MAGI2: variants seen among roughly 807,000 people sequenced by gnomAD.
MAGI2 encodes the protein membrane associated guanylate kinase, WW and PDZ domain containing 2, also known as membrane-associated guanylate kinase, WW and PDZ domain-containing protein 2.
A neutral mutation model predicts 133.3 loss-of-function variants in MAGI2; 35 were observed. The observed-to-expected ratio is 0.26, with a 90% CI of 0.20 to 0.35. MAGI2 has a LOEUF of 0.35. Among genes scored for constraint, MAGI2 ranks in the 10% least tolerant of loss-of-function variants. The probability of loss-of-function intolerance (pLI) is 1.00; values close to 1 mark genes in which losing one functional copy is unlikely to be tolerated. For missense variants in MAGI2, 1,636 were observed against 1,863.4 expected (o/e 0.88, Z 2.25); for synonymous variants, 729 against 710.6 (o/e 1.03, Z -0.41).
At chr7:78,568,998 C>T (rs1419620681) in intron 3 of MAGI2, among the ~76,000 whole-genome samples, 1 of 151,936 alleles carries the variant, frequency 6.6e-6, no homozygotes, top group East Asian at 1.9e-4. Context: ...CATTTTGCCC[C>T]CGACACCTGC....
In MAGI2 at chr7:78,019,333, G is replaced by A. The variant is rs766140955; in HGVS notation, c.4350C>T (p.Ala1450=). ...GCGCGGCTCATCTGCTGGCGGCCGA[G>A]GCGCCGGGTTTGAGGACGCTGGGCA... ...DKLPSVLKPG[A]SAASR Residue 1450 remains alanine, a synonymous_variant, in exon 22 of 22, where the codon GCC becomes GCT. Transcript: ENST00000354212. The A allele has an allele frequency of 1.5e-5, 23 of 1,545,568 alleles. No individual in the cohort carries two copies. The highest frequency in any genetic ancestry group is 1.7e-4 in the Middle Eastern group (1 of 5,902).
At chr7:78,428,681 C>A (rs752218270) in intron 6 of MAGI2, among the ~76,000 whole-genome samples, 20 of 152,164 alleles carry the variant, frequency 1.3e-4, no homozygotes, top group African/African-American at 4.3e-4. Context: ...GCACTGAGAC[C>A]CCATAAAAAG....
At chr7:78,606,818 C>T (rs1805862511) in intron 3 of MAGI2, among the ~76,000 whole-genome samples, 1 of 113,276 alleles carries the variant, frequency 8.8e-6, no homozygotes, top group Non-Finnish European at 2.0e-5. Flanking sequence ...TTCTGTTTAC[C>T]ATGCCCTCCC....
chr7:78,092,781 T>A (rs369180583), intron 20 of MAGI2, among the ~76,000 whole-genome samples: 53,558 of 152,014 alleles, frequency 0.35, 10,888 homozygotes, highest in African/African-American at 0.57. Flanking sequence ...CATACATCCC[T>A]TGGATAATCA....
intron 9 of MAGI2, among the ~76,000 whole-genome samples, chr7:78,305,112 T>C (rs1798145637): frequency 6.6e-6 from 1 of 152,220 alleles, no homozygotes; most frequent in South Asian, 2.1e-4. Context: ...CTTGTTCTAG[T>C]GGGGACTCAA....
chr7:79,113,712 A>C (rs1819139998), intron 1 of MAGI2, among the ~76,000 whole-genome samples: 1 of 152,142 alleles, frequency 6.6e-6, no homozygotes, highest in South Asian at 2.1e-4. Flanking sequence ...TAACTAAACC[A>C]TGGTAACTGA....
intron 1 of MAGI2, among the ~76,000 whole-genome samples, chr7:79,248,479 A>G (rs1304113819): frequency 6.6e-6 from 1 of 152,200 alleles, no homozygotes; most frequent in Non-Finnish European, 1.5e-5. Context: ...AATCTAACAA[A>G]GCAATATCAG....
intron 1 of MAGI2, among the ~76,000 whole-genome samples, chr7:79,185,651 C>T (rs560155699): frequency 8.9e-4 from 135 of 151,566 alleles, no homozygotes; most frequent in Non-Finnish European, 8.8e-4. Context: ...ATGAGTCTGC[C>T]TTTAAAAATG....
At chr7:78,787,418 C>A (rs183484566) in intron 2 of MAGI2, among the ~76,000 whole-genome samples, 1 of 152,056 alleles carries the variant, frequency 6.6e-6, no homozygotes, top group South Asian at 2.1e-4. Context: ...TCTCAGGGTA[C>A]ACATGAGAAA....
At chr7:79,194,779 A>T (rs1827940003) in intron 1 of MAGI2, among the ~76,000 whole-genome samples, 1 of 151,714 alleles carries the variant, frequency 6.6e-6, no homozygotes. Context: ...TTCAGTTTGA[A>T]GACTACCTTA....
chr7:79,137,487 G>A (rs1044048429), intron 1 of MAGI2, among the ~76,000 whole-genome samples: 20 of 141,394 alleles, frequency 1.4e-4, no homozygotes, highest in Admixed American at 1.5e-4. Flanking sequence ...TCATTCTGTC[G>A]CCTAGTTTGT....
chr7:78,741,718 C>A (rs545290804), intron 2 of MAGI2, among the ~76,000 whole-genome samples: 2 of 152,148 alleles, frequency 1.3e-5, no homozygotes, highest in African/African-American at 4.8e-5. Context: ...TTATTTATAT[C>A]AACTGTGAAA....
intron 6 of MAGI2, among the ~76,000 whole-genome samples, chr7:78,489,468 A>T (rs1793385235): frequency 6.6e-6 from 1 of 152,040 alleles, no homozygotes; most frequent in Non-Finnish European, 1.5e-5. Flanking sequence ...AGAGCGACGT[A>T]TTGCAAACAA....
chr7:78,125,652 C>CT, intron 20 of MAGI2, 42 bp downstream of exon 20: 1 of 1,459,972 alleles, frequency 6.8e-7, no homozygotes, highest in Middle Eastern at 1.8e-4. Context: ...GTCGGTTTTT[C>CT]TTTCAGAATT....
At position 79,278,980 on chromosome 7, in the gene MAGI2, A is replaced by G. The variant is rs981977367; in HGVS notation, c.301+174040T>C. ...TGAGCAAATAATTGAGCAGACACTC[A>G]GAGAACAGCTGAGACAATTTAATGG... On this transcript the variant is annotated intron_variant, in intron 1 of 21. Coordinates refer to ENST00000354212, the MANE Select transcript of MAGI2 (RefSeq NM_012301.4). 4.6e-5 allele frequency among the ~76,000 whole-genome samples: 7 copies of G among 152,194 alleles called. No individual in the cohort carries two copies. In the East Asian group the frequency reaches 1.4e-3, roughly 29 times the overall value.
chr7:78,507,606 T>C (rs1795202230), intron 4 of MAGI2, among the ~76,000 whole-genome samples: 1 of 152,168 alleles, frequency 6.6e-6, no homozygotes, highest in Non-Finnish European at 1.5e-5. Context: ...TGAGCAACTA[T>C]ATAGAGTACT....
intron 1 of MAGI2, among the ~76,000 whole-genome samples, chr7:79,408,687 A>T (rs1197973701): frequency 1.3e-5 from 2 of 152,102 alleles, no homozygotes; most frequent in African/African-American, 2.4e-5. Flanking sequence ...GGAACAAGTT[A>T]AATGGAAATC....
intron 1 of MAGI2, among the ~76,000 whole-genome samples, chr7:79,147,997 A>G (rs1267710253): frequency 6.6e-6 from 1 of 152,180 alleles, no homozygotes; most frequent in Non-Finnish European, 1.5e-5. Context: ...AAGGGTTTCT[A>G]GTTGAGAGAT....
At chr7:79,432,368 C>T (rs1585962155) in intron 1 of MAGI2, among the ~76,000 whole-genome samples, 2 of 152,278 alleles carry the variant, frequency 1.3e-5, no homozygotes, top group South Asian at 4.1e-4. Flanking sequence ...ATAGGTGTCC[C>T]ATGATGATAC....
Sources: allele counts gnomAD v4.1 joint callset (sites outside exome capture counted in the v4.1 genomes callset), GRCh38; gene constraint gnomAD v4.1.1; transcripts MANE v1.5; gene names NCBI Gene and HGNC (gene_info 2026-07-23, HGNC 2026-07-21).